KHDRBS2: variants seen among roughly 807,000 people sequenced by gnomAD.
The protein encoded by KHDRBS2 is KH RNA binding domain containing, signal transduction associated 2, also known as KH domain-containing, RNA-binding, signal transduction-associated protein 2.
A neutral mutation model predicts 44.3 loss-of-function variants in KHDRBS2; 26 were observed. That is an observed-to-expected ratio of 0.59 (90% CI 0.43 to 0.81). The LOEUF (loss-of-function observed/expected upper bound fraction) is 0.81, where lower values mean the gene tolerates loss of function less well. Among genes scored for constraint, KHDRBS2 ranks in the 40% least tolerant of loss-of-function variants. The pLI, the probability that KHDRBS2 is intolerant of heterozygous loss-of-function variation, is 0.00. For synonymous variants in KHDRBS2, 194 were observed against 151.1 expected (o/e 1.28, Z -2.08); for missense variants, 476 against 433.1 (o/e 1.10, Z -0.88).
At chr6:61,615,089 C>T in the KHDRBS2 span, among the ~76,000 whole-genome samples, 3 of 151,074 alleles carry the variant, frequency 2.0e-5, no homozygotes, top group South Asian at 2.1e-4. Context: ...AAAAATTAGC[C>T]GGGTGTGGTG....
the KHDRBS2 span, among the ~76,000 whole-genome samples, chr6:61,630,895 T>C: frequency 6.6e-6 from 1 of 152,292 alleles, no homozygotes; most frequent in South Asian, 2.1e-4. Context: ...ACGCTATTTG[T>C]CTCTTTGTAT....
intron 1 of KHDRBS2, among the ~76,000 whole-genome samples, chr6:62,268,700 A>AT (rs1563162791): frequency 6.6e-6 from 1 of 151,862 alleles, no homozygotes; most frequent in Non-Finnish European, 1.5e-5. Flanking sequence ...TGTTTCCTCA[A>AT]TTTTTTTTCA....
the KHDRBS2 span, among the ~76,000 whole-genome samples, chr6:61,588,090 G>T: frequency 2.6e-5 from 4 of 152,154 alleles, no homozygotes; most frequent in Non-Finnish European, 5.9e-5. Context: ...CATCAAACTA[G>T]TTGATAAAAG....
At chr6:62,118,679 G>A (rs571076959) in intron 2 of KHDRBS2, among the ~76,000 whole-genome samples, 30 of 152,250 alleles carry the variant, frequency 2.0e-4, no homozygotes, top group African/African-American at 6.5e-4. Flanking sequence ...AGCATGGCTA[G>A]GATACAAGCA....
At chr6:62,284,016 C>T (rs1356838259) in intron 1 of KHDRBS2, among the ~76,000 whole-genome samples, 1 of 152,052 alleles carries the variant, frequency 6.6e-6, no homozygotes, top group Non-Finnish European at 1.5e-5. Flanking sequence ...CATGCTTCCC[C>T]CTGCTGGGAA....
At chr6:61,979,491 G>A (rs956305345) in intron 3 of KHDRBS2, among the ~76,000 whole-genome samples, 2 of 152,116 alleles carry the variant, frequency 1.3e-5, no homozygotes, top group Non-Finnish European at 2.9e-5. Context: ...CCATGTTAAT[G>A]TGAGTGTTTA....
the KHDRBS2 span, among the ~76,000 whole-genome samples, chr6:61,668,924 C>A: frequency 6.6e-6 from 1 of 150,944 alleles, no homozygotes; most frequent in Non-Finnish European, 1.5e-5. Context: ...ATACAGGATG[C>A]TGTTAGTAAA....
chr6:61,973,003 G>A (rs1004095550), intron 4 of KHDRBS2, among the ~76,000 whole-genome samples: 1 of 152,090 alleles, frequency 6.6e-6, no homozygotes, highest in African/African-American at 2.4e-5. Flanking sequence ...GAAATAAGCT[G>A]TGTGTGGTGG....
chr6:61,550,559 C>T, the KHDRBS2 span, among the ~76,000 whole-genome samples: 1 of 151,838 alleles, frequency 6.6e-6, no homozygotes, highest in African/African-American at 2.4e-5. Flanking sequence ...GGGATGGTGG[C>T]TTACATACTT....
intron 1 of KHDRBS2, among the ~76,000 whole-genome samples, chr6:62,271,884 A>T (rs1175884884): frequency 6.6e-6 from 1 of 152,178 alleles, no homozygotes; most frequent in African/African-American, 2.4e-5. Context: ...TTAATTTATT[A>T]TTGAATACTT....
intron 7 of KHDRBS2, among the ~76,000 whole-genome samples, chr6:61,715,236 A>G (rs1300530982): frequency 4.6e-5 from 7 of 151,926 alleles, no homozygotes; most frequent in Non-Finnish European, 8.8e-5. Flanking sequence ...ATGGCAACCA[A>G]TGGAGAATTT....
chr6:61,641,200 T>A, the KHDRBS2 span, among the ~76,000 whole-genome samples: 2 of 152,122 alleles, frequency 1.3e-5, no homozygotes, highest in African/African-American at 4.8e-5. Flanking sequence ...TCCAATATTT[T>A]CTCTCTGCAA....
At chr6:62,285,782 A>C in intron 1 of KHDRBS2, 76 bp downstream of exon 1, 4 of 992,716 alleles carry the variant, frequency 4.0e-6, no homozygotes, top group East Asian at 2.6e-5. Context: ...TCCCTCCCCA[A>C]CTTCACTCCC....
At chr6:61,554,875 C>T in the KHDRBS2 span, among the ~76,000 whole-genome samples, 8 of 152,250 alleles carry the variant, frequency 5.3e-5, no homozygotes, top group Admixed American at 1.3e-4. Flanking sequence ...GCTGTAAGGC[C>T]CACTGTTAGC....
At chr6:62,103,080 G>A (rs1420182589) in intron 2 of KHDRBS2, among the ~76,000 whole-genome samples, 1 of 152,094 alleles carries the variant, frequency 6.6e-6, no homozygotes, top group Non-Finnish European at 1.5e-5. Context: ...TCCATGGACA[G>A]CCATGGGAAG....
intron 1 of KHDRBS2, among the ~76,000 whole-genome samples, chr6:62,203,587 G>C (rs185358637): frequency 5.1e-4 from 77 of 152,194 alleles, no homozygotes; most frequent in Non-Finnish European, 7.9e-4. Context: ...GGAGATTTGT[G>C]TAAGATGTTA....
chr6:61,575,612 A>T, the KHDRBS2 span, among the ~76,000 whole-genome samples: 1 of 152,182 alleles, frequency 6.6e-6, no homozygotes. Context: ...CTGGGTATCT[A>T]CCCAGAAGAA....
intron 6 of KHDRBS2, among the ~76,000 whole-genome samples, chr6:61,767,692 C>A (rs1162799502): frequency 6.6e-6 from 1 of 151,962 alleles, no homozygotes; most frequent in Admixed American, 6.6e-5. Context: ...ATCTTATAAC[C>A]AATTATTTTA....
At chr6:61,664,936 CT>C in the KHDRBS2 span, among the ~76,000 whole-genome samples, 3 of 151,662 alleles carry the variant, frequency 2.0e-5, no homozygotes, top group African/African-American at 7.2e-5. Flanking sequence ...AATTAACTTA[CT>C]TCTAATTTTT....
Sources: allele counts gnomAD v4.1 joint callset (sites outside exome capture counted in the v4.1 genomes callset), GRCh38; gene constraint gnomAD v4.1.1; transcripts MANE v1.5; gene names NCBI Gene and HGNC (gene_info 2026-07-23, HGNC 2026-07-21).